Variants in ROBO1 observed in about 807,000 individuals in gnomAD.
ROBO1 encodes roundabout homolog 1.
Under a neutral mutation model 195.9 loss-of-function variants are expected in ROBO1, and 149 were observed. The ratio of observed to expected loss-of-function variants is 0.76; its 90% CI spans 0.67 to 0.87. The LOEUF (loss-of-function observed/expected upper bound fraction) is 0.87. Among genes scored for constraint, ROBO1 ranks in the 40% least tolerant of loss-of-function variants. The pLI, the probability that ROBO1 is intolerant of heterozygous loss-of-function variation, is 0.00. For missense variants in ROBO1, 1,933 were observed against 2,068.3 expected (o/e 0.93, Z 1.27); for synonymous variants, 816 against 733.2 (o/e 1.11, Z -1.82).
At chr3:79,692,522 A>G (rs1191865829) in intron 1 of ROBO1, among the ~76,000 whole-genome samples, 2 of 151,736 alleles carry the variant, frequency 1.3e-5, no homozygotes, top group Non-Finnish European at 2.9e-5. Flanking sequence ...CCATTCAAAG[A>G]CCCCATTGTG....
chr3:79,661,248 A>G (rs1200084639), intron 1 of ROBO1, among the ~76,000 whole-genome samples: 1 of 152,016 alleles, frequency 6.6e-6, no homozygotes, highest in East Asian at 1.9e-4. Context: ...AGTGGCCCAA[A>G]TCAAATGACT....
chr3:79,435,590 CAT>C (rs1266503222), intron 2 of ROBO1, among the ~76,000 whole-genome samples: 1 of 152,114 alleles, frequency 6.6e-6, no homozygotes, highest in Non-Finnish European at 1.5e-5. Context: ...CATATGTGCA[CAT>C]GATTCTAGAC....
chr3:79,725,349 CCCGAGTAG>C (rs1702875097), intron 1 of ROBO1, among the ~76,000 whole-genome samples: 1 of 151,118 alleles, frequency 6.6e-6, no homozygotes, highest in Non-Finnish European at 1.5e-5. Context: ...GCCTCAGCCT[CCCGAGTAG>C]CTGGGACTAC....
intron 3 of ROBO1, among the ~76,000 whole-genome samples, chr3:79,063,872 T>C (rs1042240445): frequency 1.5e-4 from 23 of 151,804 alleles, no homozygotes; most frequent in African/African-American, 5.6e-4. Context: ...CTAATCCATA[T>C]GTGGAATCTG....
At chr3:79,143,392 G>T (rs1383265770) in intron 2 of ROBO1, among the ~76,000 whole-genome samples, 1 of 151,948 alleles carries the variant, frequency 6.6e-6, no homozygotes, top group Non-Finnish European at 1.5e-5. Flanking sequence ...TATAAAACAT[G>T]ATAGTGAATG....
At chr3:79,427,754 C>T (rs927020769) in intron 2 of ROBO1, among the ~76,000 whole-genome samples, 12 of 152,122 alleles carry the variant, frequency 7.9e-5, no homozygotes, top group African/African-American at 2.9e-4. Context: ...AAGAATGAAA[C>T]TAGACTGGTA....
Position 78,639,742 on chromosome 3 carries a change from A to T in ROBO1, c.3037+2T>A. 1 of 1,611,858 alleles carries T rather than the reference A, an allele frequency of 6.2e-7. No homozygotes were observed. Among genetic ancestry groups the T allele is most frequent in the Non-Finnish European group, 8.5e-7 (1 of 1,178,528 alleles). On this transcript the variant is annotated splice_donor_variant, in intron 22 of 30. Transcript: ENST00000464233. LOFTEE classifies it high-confidence loss of function. ...ATATCAGGCTCTCTCTGTGTCCCTA[A>T]CCTGGGCGACTGTAGGTAGTGAGGT...
intron 2 of ROBO1, among the ~76,000 whole-genome samples, chr3:79,529,992 A>G (rs949782514): frequency 6.6e-6 from 1 of 152,198 alleles, no homozygotes; most frequent in Non-Finnish European, 1.5e-5. Flanking sequence ...AGTTAAGCGC[A>G]TGATATGGCT....
intron 4 of ROBO1, among the ~76,000 whole-genome samples, chr3:78,810,085 A>G (rs1039927503): frequency 1.6e-4 from 24 of 152,258 alleles, no homozygotes; most frequent in South Asian, 4.1e-4. Context: ...ATGCAAGAAA[A>G]TTTGGACGCA....
At chr3:78,921,206 T>C (rs952133744) in intron 4 of ROBO1, among the ~76,000 whole-genome samples, 67 of 152,230 alleles carry the variant, frequency 4.4e-4, no homozygotes, top group Middle Eastern at 6.3e-3. Context: ...TTTTATAATA[T>C]GGTTTTCCAC....
intron 2 of ROBO1, among the ~76,000 whole-genome samples, chr3:79,181,314 A>T (rs1434957448): frequency 6.6e-6 from 1 of 152,168 alleles, no homozygotes. Flanking sequence ...TGCATTATTT[A>T]GCTTTGAATT....
intron 1 of ROBO1, among the ~76,000 whole-genome samples, chr3:79,664,856 A>C (rs1576199084): frequency 6.6e-6 from 1 of 152,128 alleles, no homozygotes; most frequent in East Asian, 1.9e-4. Context: ...TGAAAAGTAA[A>C]GGAGCCATGA....
Position 78,635,919 on chromosome 3 carries a change from G to A in ROBO1, c.3227C>T (p.Thr1076Ile). 1 of 1,613,960 alleles carries A rather than the reference G, an allele frequency of 6.2e-7. No homozygotes were observed. Among genetic ancestry groups the A allele is most frequent in the Non-Finnish European group, 8.5e-7 (1 of 1,179,856 alleles). ...PSGQPTPYAT[T>I]QLIQSNLSNN... ...GCTGAGGTTTGACTGGATGAGCTGA[G>A]TGGTGGCGTAAGGAGTAGGCTGCCC... Residue 1076 changes from threonine (T) to isoleucine (I), a missense_variant, in exon 23 of 31, where the codon ACT becomes ATT. Physicochemically the swap from Thr to Ile is moderately conservative, Grantham distance 89. Around this residue, in one of 3 missense-constraint regions of ROBO1, gnomAD observed 1,737 missense variants for 1,882.5 expected, o/e 0.92. Transcript: ENST00000464233.
At chr3:78,696,643 T>TATATATATACAC (rs1306558032) in intron 8 of ROBO1, among the ~76,000 whole-genome samples, 6 of 147,846 alleles carry the variant, frequency 4.1e-5, no homozygotes, top group Non-Finnish European at 8.9e-5. Context: ...TGCATATATA[T>TATATATATACAC]ATATATATAC....
At chr3:79,546,667 C>A (rs192373722) in intron 2 of ROBO1, among the ~76,000 whole-genome samples, 103 of 152,296 alleles carry the variant, frequency 6.8e-4, no homozygotes, top group African/African-American at 2.3e-3. Context: ...ACCATGTACA[C>A]TCAGCATTAT....
intron 2 of ROBO1, among the ~76,000 whole-genome samples, chr3:79,146,398 G>C (rs1207126799): frequency 2.6e-5 from 4 of 151,990 alleles, no homozygotes; most frequent in East Asian, 1.9e-4. Flanking sequence ...TGATTCTTTT[G>C]TCATTTTTGT....
rs2081844964 is a variant in ROBO1, at chr3:78,714,380, C to G, written c.1045+17G>C. On this transcript the variant is annotated intron_variant, in intron 8 of 30. Transcript: ENST00000464233. ...GTATGCTAAAACCACCAAAACAAAG[C>G]CTTTCCCAATGCCTACCTTGAACAG... The G allele has an allele frequency of 1.9e-6, 3 of 1,602,582 alleles. No homozygotes were observed. The highest frequency in any genetic ancestry group is 2.7e-5 in the African/African-American group (2 of 74,486).
chr3:78,930,131 C>T (rs1193104808), intron 4 of ROBO1, among the ~76,000 whole-genome samples: 3 of 152,130 alleles, frequency 2.0e-5, no homozygotes, highest in African/African-American at 7.2e-5. Context: ...TGTTTGAGAG[C>T]AGGCAAACTC....
At chr3:79,298,005 A>G (rs1490766487) in intron 2 of ROBO1, among the ~76,000 whole-genome samples, 1 of 152,122 alleles carries the variant, frequency 6.6e-6, no homozygotes, top group African/African-American at 2.4e-5. Context: ...AATGTCTGGG[A>G]CTTTAATGTT....
Sources: allele counts gnomAD v4.1 joint callset (sites outside exome capture counted in the v4.1 genomes callset), GRCh38; gene constraint gnomAD v4.1.1; regional missense constraint gnomAD v4.1.1; transcripts MANE v1.5; gene names NCBI Gene and HGNC (gene_info 2026-07-23, HGNC 2026-07-21).